Variants in TBC1D5 observed in about 807,000 individuals in gnomAD.
The protein encoded by TBC1D5 is TBC1 domain family member 5.
Under a neutral mutation model 100.3 loss-of-function variants are expected in TBC1D5, and 75 were observed. The ratio of observed to expected loss-of-function variants is 0.75; its 90% CI spans 0.62 to 0.91. TBC1D5 has a LOEUF of 0.91. TBC1D5 is among the 40% of genes least tolerant of loss of function. The pLI is 0.00. For synonymous variants in TBC1D5, 323 were observed against 325.6 expected, an observed-to-expected ratio of 0.99 and a Z score of 0.09; for missense variants, 910 against 942.4, an observed-to-expected ratio of 0.97 and a Z score of 0.45.
At chr3:17,601,293 C>T (rs2060920840) in intron 2 of TBC1D5, among the ~76,000 whole-genome samples, 2 of 152,114 alleles carry the variant, frequency 1.3e-5, no homozygotes, top group African/African-American at 4.8e-5. Flanking sequence ...GGTGGATCAC[C>T]TGAGGTCGGG....
chr3:17,687,731 A>C (rs2070517143), intron 1 of TBC1D5, among the ~76,000 whole-genome samples: 1 of 152,216 alleles, frequency 6.6e-6, no homozygotes. Context: ...TGAAAGGAGA[A>C]GAAAAGCCCT....
intron 1 of TBC1D5, among the ~76,000 whole-genome samples, chr3:17,686,201 T>C (rs945630874): frequency 3.9e-5 from 6 of 152,132 alleles, no homozygotes; most frequent in Admixed American, 3.3e-4. Flanking sequence ...ATCCCTTAAC[T>C]GTTACAATCT....
chr3:17,244,886 A>C (rs2076597974), intron 16 of TBC1D5, among the ~76,000 whole-genome samples: 1 of 152,068 alleles, frequency 6.6e-6, no homozygotes, highest in African/African-American at 2.4e-5. Flanking sequence ...CTTCTATTTA[A>C]AAATTCTGTA....
chr3:17,457,526 A>T (rs2095115248), intron 3 of TBC1D5, among the ~76,000 whole-genome samples: 1 of 152,110 alleles, frequency 6.6e-6, no homozygotes, highest in South Asian at 2.1e-4. Flanking sequence ...TTCAAATAAA[A>T]TTTTTGTATC....
At chr3:17,494,959 G>A (rs900685398) in intron 3 of TBC1D5, among the ~76,000 whole-genome samples, 18 of 152,180 alleles carry the variant, frequency 1.2e-4, no homozygotes, top group African/African-American at 4.1e-4. Context: ...AAAAATACAC[G>A]ATTTCCCAGG....
At chr3:17,728,458 G>C (rs940515985) in intron 1 of TBC1D5, among the ~76,000 whole-genome samples, 4 of 152,028 alleles carry the variant, frequency 2.6e-5, no homozygotes, top group Non-Finnish European at 5.9e-5. Context: ...AGAATAATGA[G>C]GGAAGTCTGG....
intron 3 of TBC1D5, among the ~76,000 whole-genome samples, chr3:17,478,543 A>G (rs1270349868): frequency 6.6e-6 from 1 of 152,176 alleles, no homozygotes; most frequent in Non-Finnish European, 1.5e-5. Flanking sequence ...ATTCCTAAAT[A>G]TTTAGTTCTT....
intron 13 of TBC1D5, among the ~76,000 whole-genome samples, chr3:17,360,548 G>A (rs540077933): frequency 3.3e-5 from 5 of 151,958 alleles, no homozygotes; most frequent in South Asian, 2.1e-4. Flanking sequence ...AGTTTTCAGC[G>A]CATCAGTATT....
intron 2 of TBC1D5, among the ~76,000 whole-genome samples, chr3:17,511,648 T>C (rs1382188391): frequency 6.6e-6 from 1 of 152,010 alleles, no homozygotes; most frequent in East Asian, 1.9e-4. Flanking sequence ...TTTGACTCCT[T>C]AGAGAAAGTT....
At chr3:17,195,063 T>C (rs1439783675) in intron 18 of TBC1D5, among the ~76,000 whole-genome samples, 3 of 152,236 alleles carry the variant, frequency 2.0e-5, no homozygotes, top group African/African-American at 7.2e-5. Context: ...AAAAGTCCTA[T>C]AACTGCAGTT....
rs529251313 is a variant in TBC1D5, at chr3:17,384,110, G to A, written c.510-95C>T. ...CGAAGACGTGCCAAGGGCTGCTTCA[G>A]GTTTTAGAACAAGCCTGTGTTTGCC... On this transcript the variant is annotated intron_variant, in intron 8 of 21. Coordinates refer to ENST00000253692, the Ensembl canonical transcript of TBC1D5. The A allele has an allele frequency of 7.1e-5, 77 of 1,087,694 alleles. 2 individuals carry two copies. In the South Asian group the frequency reaches 1.2e-3, roughly 17 times the overall value. 67.4% of individuals were successfully genotyped at this position (1,087,694 alleles called of 1,614,324 possible). A position where few individuals can be genotyped will look rare whatever the true frequency, so the allele number is the denominator to read the frequency against.
chr3:17,399,898 T>A (rs1206911239), intron 8 of TBC1D5, among the ~76,000 whole-genome samples: 1 of 152,142 alleles, frequency 6.6e-6, no homozygotes, highest in African/African-American at 2.4e-5. Flanking sequence ...GTCTGGCCTT[T>A]AAATTTTTTC....
rs117067936 is a variant in TBC1D5 at position 17,205,985 on chromosome 3, C to T, written c.1752+8222G>A. ...TTCCTCATTTGATATAATACTTTCT[C>T]TTATTTTTACCCAAAGCAACTTGAT... is the stretch of plus-strand genomic sequence containing the variant. On this transcript the variant is annotated intron_variant, in intron 18 of 21. Coordinates refer to ENST00000253692, the Ensembl canonical transcript of TBC1D5. 6.4e-4 allele frequency among the ~76,000 whole-genome samples: 98 copies of T among 152,238 alleles called. No individual in the cohort carries two copies. In the East Asian group the frequency reaches 0.017, roughly 26 times the overall value.
chr3:17,705,728 A>C (rs867337622), intron 1 of TBC1D5, among the ~76,000 whole-genome samples: 195 of 100,052 alleles, frequency 1.9e-3, no homozygotes, highest in Middle Eastern at 0.019. Context: ...CCTAGATGGG[A>C]TGGCGGCCGG....
intron 1 of TBC1D5, among the ~76,000 whole-genome samples, chr3:17,667,404 C>T (rs568285635): frequency 5.3e-5 from 8 of 152,004 alleles, no homozygotes; most frequent in African/African-American, 1.2e-4. Flanking sequence ...TGATTTTCAA[C>T]GCAATTACTT....
intron 3 of TBC1D5, among the ~76,000 whole-genome samples, chr3:17,438,010 CA>C (rs777835592): frequency 6.6e-6 from 1 of 152,152 alleles, no homozygotes; most frequent in Non-Finnish European, 1.5e-5. Context: ...ATGCCAACTT[CA>C]CACATTATCC....
chr3:17,683,788 G>T (rs2069845552), intron 1 of TBC1D5, among the ~76,000 whole-genome samples: 1 of 152,168 alleles, frequency 6.6e-6, no homozygotes, highest in Admixed American at 6.5e-5. Flanking sequence ...TTATATCACT[G>T]TGAAGATCAA....
intron 2 of TBC1D5, among the ~76,000 whole-genome samples, chr3:17,570,271 G>A (rs1158019960): frequency 6.6e-6 from 1 of 151,958 alleles, no homozygotes; most frequent in African/African-American, 2.4e-5. Context: ...ATTATCAGAA[G>A]CATTGTCAAA....
intron 14 of TBC1D5, among the ~76,000 whole-genome samples, chr3:17,294,182 T>C (rs180902863): frequency 1.0e-3 from 151 of 151,242 alleles, no homozygotes; most frequent in African/African-American, 3.4e-3. Context: ...AAAAGCTTGA[T>C]TGATTGACTA....
Sources: gnomAD v4.1 joint callset for allele counts (sites outside exome capture counted in the v4.1 genomes callset) on GRCh38, gnomAD v4.1.1 for gene constraint, MANE v1.5 for transcripts, NCBI Gene and HGNC (gene_info 2026-07-23, HGNC 2026-07-21) for gene names.